The following SGSM3 variants were observed in gnomAD, a reference collection of about 807,000 sequenced individuals.
SGSM3 encodes RUN and SH3 containing 3.
SGSM3 carries 96 observed loss-of-function variants against 100.5 expected under a neutral mutation model. The ratio of observed to expected loss-of-function variants is 0.96; its 90% CI spans 0.81 to 1.13. The LOEUF is 1.13. Among genes scored for constraint, SGSM3 ranks in the 50% most tolerant of loss-of-function variants. The pLI is 0.00. For synonymous variants in SGSM3, 483 were observed against 422.8 expected (o/e 1.14, Z -1.75); for missense variants, 1,001 against 1,015.8 (o/e 0.99, Z 0.20).
chr22:40,398,124 C>T (rs1196963448), intron 1 of SGSM3, among the ~76,000 whole-genome samples: 12 of 152,002 alleles, frequency 7.9e-5, no homozygotes, highest in Admixed American at 5.9e-4. Flanking sequence ...CACGCCACCA[C>T]GCCCAGCTAA....
chr22:40,381,712 T>G (rs1293575341), intron 1 of SGSM3, among the ~76,000 whole-genome samples: 1 of 152,168 alleles, frequency 6.6e-6, no homozygotes. Flanking sequence ...ACCAGCACTT[T>G]GGGAGGCCAA....
At chr22:40,383,061 C>T (rs1349807040) in intron 1 of SGSM3, among the ~76,000 whole-genome samples, 1 of 152,192 alleles carries the variant, frequency 6.6e-6, no homozygotes, top group Non-Finnish European at 1.5e-5. Context: ...GCGATTACTA[C>T]TTCAAACATT....
chr22:40,407,615 C>T lies in SGSM3; in HGVS notation c.1524+47C>T. On this transcript the variant is annotated intron_variant, in intron 13 of 21. Transcript: ENST00000248929. This position sits in a 1 kb window ranked among gnomAD's most constrained non-coding sequence, Gnocchi z 4.7. The stretch of plus-strand genomic sequence containing the variant: ...CCAGGTCCTCAGGCTGTGGCGGGTT[C>T]CCCAGACTCCCTCCACCAAGCCCCA... 6.3e-7 allele frequency: 1 copy of T among 1,585,918 alleles called. No homozygotes were observed. The highest frequency in any genetic ancestry group is 8.5e-7 in the Non-Finnish European group (1 of 1,169,772).
rs778952269 is a variant in SGSM3 at position 40,408,287 on chromosome 22, C to T, written c.1640C>T (p.Ala547Val). ...LDERSKEYSI[A>V]GDDSVTEGVT... ...CATCCCTCCCATCAGTACTCCATCGCGGGGGATGACTCGGTGACGGAGGGG... is the reference window on the plus strand; with the variant it reads ...CATCCCTCCCATCAGTACTCCATCGTGGGGGATGACTCGGTGACGGAGGGG... Residue 547 changes from alanine (A) to valine (V), a missense_variant, in exon 16 of 22, where the codon GCG becomes GTG. Physicochemically the swap from Ala to Val is moderately conservative, Grantham distance 64 (BLOSUM62 0). Coordinates refer to ENST00000248929, the MANE Select transcript of SGSM3 (RefSeq NM_015705.6). 20 of 1,613,348 alleles carry T rather than the reference C, an allele frequency of 1.2e-5. No homozygotes were observed. The highest frequency in any genetic ancestry group is 6.7e-5 in the African/African-American group (5 of 74,866).
chr22:40,399,373 C>T (rs2050440660), intron 1 of SGSM3, among the ~76,000 whole-genome samples: 1 of 152,224 alleles, frequency 6.6e-6, no homozygotes, highest in Non-Finnish European at 1.5e-5. Context: ...TCTGCCACAG[C>T]CATTTGCCAT....
In SGSM3 at chr22:40,409,283, C is replaced by G. The variant is rs1408367388; in HGVS notation, c.2022C>G (p.Leu674=). Residue 674 remains leucine (L), a synonymous_variant, in exon 20 of 22, where the codon CTC becomes CTG. Coordinates refer to ENST00000248929, the MANE Select transcript of SGSM3 (RefSeq NM_015705.6). ...EQVLHLWLEV[L]CSSLPTVEKW... ...TGCTGCACCTGTGGCTGGAGGTGCTCTGCTCCAGCCTGCCCACCGTGGAGA... is the reference window on the plus strand; with the variant it reads ...TGCTGCACCTGTGGCTGGAGGTGCTGTGCTCCAGCCTGCCCACCGTGGAGA... The G allele has an allele frequency of 4.3e-6, 7 of 1,611,804 alleles. No homozygotes were observed. The African/African-American group carries it at 6.7e-5, about 15-fold the overall frequency.
chr22:40,409,549 G>A (rs902628622), intron 21 of SGSM3, 24 bp downstream of exon 21: 47 of 1,612,046 alleles, frequency 2.9e-5, no homozygotes, highest in Non-Finnish European at 3.5e-5. Flanking sequence ...GCCTCGTAGG[G>A]CCTGCACTGA....
Position 40,409,297 on chromosome 22 carries a change from C to T in SGSM3, c.2036C>T (p.Pro679Leu). The T allele has an allele frequency of 6.2e-7, 1 of 1,612,850 alleles. No homozygotes were observed. Among genetic ancestry groups the T allele is most frequent in the Non-Finnish European group, 8.5e-7 (1 of 1,179,888 alleles). Residue 679 changes from proline (P) to leucine (L), a missense_variant, in exon 20 of 22, where the codon CCC (proline) becomes CTC (leucine). By Grantham distance (98) the Pro-to-Leu change is moderately conservative (BLOSUM62 -3). Coordinates refer to ENST00000248929, the MANE Select transcript of SGSM3 (RefSeq NM_015705.6). ...CTGGAGGTGCTCTGCTCCAGCCTGC[C>T]CACCGTGGAGAAGTGGTACCAGCCC... is the stretch of plus-strand genomic sequence containing the variant. ...LWLEVLCSSL[P>L]TVEKWYQPWS...
intron 1 of SGSM3, among the ~76,000 whole-genome samples, chr22:40,399,778 G>A (rs1265597961): frequency 1.3e-5 from 2 of 152,216 alleles, no homozygotes; most frequent in African/African-American, 2.4e-5. Context: ...GGGGAAGCAG[G>A]TTCTGCCATC....
chr22:40,395,146 T>C (rs1188597154), intron 1 of SGSM3, among the ~76,000 whole-genome samples: 1 of 152,154 alleles, frequency 6.6e-6, no homozygotes, highest in African/African-American at 2.4e-5. Context: ...CATGGAACAG[T>C]GTTTGGGATA....
rs1052200765 is a variant in SGSM3, at chr22:40,396,726, CACAGG to C, written c.-111-3958_-111-3954del. On this transcript the variant is annotated intron_variant, in intron 1 of 21. Coordinates refer to ENST00000248929, the MANE Select transcript of SGSM3 (RefSeq NM_015705.6). The stretch of plus-strand genomic sequence containing the variant: ...ATGCTGTGTTGTTAAGAAAATAGGA[CACAGG>C]ACAGGACAGGAGGACCAGAGTGAAT... 1.1e-4 allele frequency among the ~76,000 whole-genome samples: 16 copies of C among 151,670 alleles called. No homozygotes were observed. In the East Asian group the frequency reaches 2.7e-3, roughly 26 times the overall value.
chr22:40,405,767 C>A lies in SGSM3; in HGVS notation c.737C>A (p.Thr246Asn). 1 of 1,613,788 alleles carries A rather than the reference C, an allele frequency of 6.2e-7. No individual in the cohort carries two copies. Among genetic ancestry groups the A allele is most frequent in the South Asian group, 1.1e-5 (1 of 91,080 alleles). ...YFSTTLLGVQTDQRVLRHLIV... is the reference protein window; with the variant it reads ...YFSTTLLGVQNDQRVLRHLIV... ...AGCACCACCCTGCTGGGTGTCCAGA[C>A]TGACCAGCGGGTCCTGCGCCACCTC... Residue 246 changes from threonine to asparagine, a missense_variant, in exon 8 of 22, where the codon ACT (threonine) becomes AAT (asparagine). Coordinates refer to ENST00000248929, the MANE Select transcript of SGSM3 (RefSeq NM_015705.6).
chr22:40,408,057 T>C lies in SGSM3; in HGVS notation c.1580-14T>C, dbSNP rs1047512495. 5 of 1,613,038 alleles carry C rather than the reference T, an allele frequency of 3.1e-6. No homozygotes were observed. The highest frequency in any genetic ancestry group is 4.2e-6 in the Non-Finnish European group (5 of 1,179,658). On this transcript the variant is annotated splice_polypyrimidine_tract_variant and intron_variant, in intron 14 of 21. Coordinates refer to ENST00000248929, the MANE Select transcript of SGSM3 (RefSeq NM_015705.6). ...CCTCGTGGTTGCTCCTTACAGGGCC[T>C]GTTTTTCCCACAGGCTGGTTTCCAG...
chr22:40,385,581 C>T (rs984700306), intron 1 of SGSM3, among the ~76,000 whole-genome samples: 7 of 152,200 alleles, frequency 4.6e-5, no homozygotes, highest in South Asian at 4.1e-4. Flanking sequence ...CGTTTTGACA[C>T]GGAGAATAAG....
chr22:40,378,541 C>G (rs1254651276), intron 1 of SGSM3, among the ~76,000 whole-genome samples: 1 of 151,722 alleles, frequency 6.6e-6, no homozygotes, highest in Non-Finnish European at 1.5e-5. Context: ...CCAACCTGGC[C>G]TACATGGCGA....
In SGSM3 at chr22:40,404,796, C is replaced by T. The variant is rs1432774532; in HGVS notation, c.474+132C>T. 5.8e-6 allele frequency: 4 copies of T among 686,872 alleles called. No individual in the cohort carries two copies. In the Admixed American group the frequency reaches 1.0e-4, roughly 17 times the overall value. The allele number at this position is 686,872 out of a possible 1,614,324, so 42.5% of individuals were successfully genotyped here. A position where few individuals can be genotyped will look rare whatever the true frequency, so the allele number is the denominator to read the frequency against. On this transcript the variant is annotated intron_variant, in intron 6 of 21. Coordinates refer to ENST00000248929, the MANE Select transcript of SGSM3 (RefSeq NM_015705.6). ...GAGGATATTTGCTCCTTCCTTGGTC[C>T]TCTGCAGGCCAAAGAAAGAATTGTC...
In SGSM3 at chr22:40,405,307, C is replaced by T. The variant is rs759564106; in HGVS notation, c.618+23C>T. On this transcript the variant is annotated intron_variant, in intron 7 of 21. Coordinates refer to ENST00000248929, the MANE Select transcript of SGSM3 (RefSeq NM_015705.6). ...ATGGTGAGCACAGCCCCAGAAAGGG[C>T]AGTGGCAGCCCCAGGACCCCCTCCA... 98 of 1,463,736 alleles carry T rather than the reference C, an allele frequency of 6.7e-5. No individual in the cohort carries two copies. In the East Asian group the frequency reaches 2.4e-3, roughly 36 times the overall value. The allele number at this position is 1,463,736 out of a possible 1,614,324, so 90.7% of individuals were successfully genotyped here. A position where few individuals can be genotyped will look rare whatever the true frequency, so the allele number is the denominator to read the frequency against.
At chr22:40,380,468 G>A (rs1226598693) in intron 1 of SGSM3, among the ~76,000 whole-genome samples, 2 of 150,890 alleles carry the variant, frequency 1.3e-5, no homozygotes, top group Non-Finnish European at 2.9e-5. Flanking sequence ...CCGGGTTCAA[G>A]CAATTCTCCC....
At chr22:40,390,186 C>T (rs1241656881) in intron 1 of SGSM3, 1 of 152,162 alleles carries the variant, frequency 6.6e-6, no homozygotes, top group Non-Finnish European at 1.5e-5. Flanking sequence ...CTCTGTGATT[C>T]TCTAAAGGTC....
Sources: gnomAD v4.1 joint callset for allele counts (sites outside exome capture counted in the v4.1 genomes callset) on GRCh38, gnomAD v4.1.1 for gene constraint, Gnocchi (gnomAD v3.1) non-coding constraint, MANE v1.5 for transcripts, NCBI Gene and HGNC (gene_info 2026-07-23, HGNC 2026-07-21) for gene names.